SND1: variants seen among roughly 807,000 people sequenced by gnomAD.
The protein encoded by SND1 is staphylococcal nuclease and tudor domain containing 1.
In SND1, 38 loss-of-function variants were observed where a neutral mutation model predicts 121.7. That is an observed-to-expected ratio of 0.31 (90% confidence interval 0.24 to 0.41). SND1 has a LOEUF of 0.41. Among genes scored for constraint, SND1 ranks in the 10% least tolerant of loss-of-function variants. The probability of loss-of-function intolerance (pLI) is 1.00; values close to 1 mark genes in which losing one functional copy is unlikely to be tolerated. For missense variants in SND1, 868 were observed against 1,184.6 expected, an observed-to-expected ratio of 0.73 and a Z score of 3.92; for synonymous variants, 401 against 447.4, an observed-to-expected ratio of 0.90 and a Z score of 1.31.
At chr7:127,711,503 T>C (rs1458767488) in intron 9 of SND1, among the ~76,000 whole-genome samples, 1 of 152,146 alleles carries the variant, frequency 6.6e-6, no homozygotes, top group Non-Finnish European at 1.5e-5. Context: ...CTTATCCTTA[T>C]ATATTTTTTT....
chr7:127,685,509 A>T lies in SND1; in HGVS notation c.79-1104A>T, dbSNP rs540646558. 7.2e-5 allele frequency among the ~76,000 whole-genome samples: 11 copies of T among 152,344 alleles called. No individual in the cohort carries two copies. In the East Asian group the frequency reaches 2.1e-3, roughly 29 times the overall value. On this transcript the variant is annotated intron_variant, in intron 1 of 23. Transcript: ENST00000354725. ...TGTTGTATTGTGAGTCTCTTCGCAAAGACAATTTGAATAGCTTGGGTCGTT... is the reference window on the plus strand; with the variant it reads ...TGTTGTATTGTGAGTCTCTTCGCAATGACAATTTGAATAGCTTGGGTCGTT...
intron 15 of SND1, among the ~76,000 whole-genome samples, chr7:127,953,040 T>C (rs1429618513): frequency 1.3e-5 from 2 of 152,082 alleles, no homozygotes; most frequent in African/African-American, 2.4e-5. Context: ...GGTGTGCACC[T>C]GTAGTACCAG....
chr7:128,055,878 A>C (rs2117027409), intron 16 of SND1, among the ~76,000 whole-genome samples: 1 of 152,108 alleles, frequency 6.6e-6, no homozygotes, highest in South Asian at 2.1e-4. Flanking sequence ...AAAAACTTAG[A>C]CATCTGGGAG....
chr7:127,941,635 A>G (rs995519260), intron 15 of SND1, among the ~76,000 whole-genome samples: 1 of 152,110 alleles, frequency 6.6e-6, no homozygotes, highest in African/African-American at 2.4e-5. Context: ...TGTGTTTTGG[A>G]TGCAGCCCCT....
At chr7:128,058,422 C>T (rs1031007290) in intron 16 of SND1, among the ~76,000 whole-genome samples, 3 of 152,220 alleles carry the variant, frequency 2.0e-5, no homozygotes, top group Admixed American at 1.3e-4. Context: ...ATAACTCCCT[C>T]CAGGTCCCTG....
At chr7:127,925,468 A>G (rs1459309191) in intron 14 of SND1, among the ~76,000 whole-genome samples, 2 of 152,210 alleles carry the variant, frequency 1.3e-5, no homozygotes, top group African/African-American at 4.8e-5. Context: ...TGAGAGTGAA[A>G]GCCTTAGCAT....
intron 11 of SND1, among the ~76,000 whole-genome samples, chr7:127,813,374 G>T (rs1411428546): frequency 6.6e-6 from 1 of 152,122 alleles, no homozygotes; most frequent in Non-Finnish European, 1.5e-5. Flanking sequence ...GTTTCTGGAA[G>T]CTCAGCAAGG....
Position 127,746,134 on chromosome 7 carries a change from A to T in SND1, c.1152+24734A>T, listed in dbSNP as rs984150057. The stretch of plus-strand genomic sequence containing the variant: ...GTGTCAGTGTTGTGTGTTGCCTATA[A>T]GCACCTGTAGGGAAACGGTAGGGAG... On this transcript the variant is annotated intron_variant, in intron 10 of 23. Transcript: ENST00000354725. 4.4e-4 allele frequency among the ~76,000 whole-genome samples: 67 copies of T among 152,240 alleles called. 2 individuals carry two copies. The highest frequency in any genetic ancestry group is 1.2e-4 in the Non-Finnish European group (8 of 68,044).
intron 12 of SND1, among the ~76,000 whole-genome samples, chr7:127,882,704 G>A (rs1265861607): frequency 6.6e-6 from 1 of 152,128 alleles, no homozygotes; most frequent in Non-Finnish European, 1.5e-5. Context: ...GCTAATGAAA[G>A]GTCAGGAAAT....
chr7:127,854,253 C>G (rs1401165050), intron 12 of SND1, among the ~76,000 whole-genome samples: 1 of 152,110 alleles, frequency 6.6e-6, no homozygotes. Flanking sequence ...TTCAGCCTCC[C>G]AAGTAGCTGG....
intron 16 of SND1, among the ~76,000 whole-genome samples, chr7:128,039,056 C>T (rs1233609380): frequency 1.3e-5 from 2 of 152,156 alleles, no homozygotes; most frequent in African/African-American, 4.8e-5. Context: ...CGTCTTCCTC[C>T]TCATTCCCTG....
At chr7:127,931,172 T>C (rs929631088) in intron 15 of SND1, among the ~76,000 whole-genome samples, 1 of 152,186 alleles carries the variant, frequency 6.6e-6, no homozygotes, top group Non-Finnish European at 1.5e-5. Flanking sequence ...TCCCAGCTAC[T>C]CAGCAGGCTG....
intron 17 of SND1, 105 bp from the exon 18 acceptor site, chr7:128,081,255 C>A (rs892612719): frequency 2.2e-5 from 32 of 1,447,936 alleles, no homozygotes; most frequent in Non-Finnish European, 2.8e-5. Context: ...CTCGGCCTCC[C>A]AAAGTGCTGG....
At chr7:127,908,558 T>A (rs1265986469) in intron 14 of SND1, among the ~76,000 whole-genome samples, 1 of 152,158 alleles carries the variant, frequency 6.6e-6, no homozygotes, top group Non-Finnish European at 1.5e-5. Flanking sequence ...TAGTCTAGTT[T>A]CCTTTCAAGC....
chr7:127,913,743 G>C (rs1273510312), intron 14 of SND1, among the ~76,000 whole-genome samples: 1 of 152,120 alleles, frequency 6.6e-6, no homozygotes, highest in East Asian at 1.9e-4. Flanking sequence ...GATAAAATTT[G>C]AAATATTTCT....
intron 1 of SND1, among the ~76,000 whole-genome samples, chr7:127,666,811 G>A (rs977167982): frequency 1.3e-5 from 2 of 152,090 alleles, no homozygotes; most frequent in African/African-American, 4.8e-5. Flanking sequence ...CAGAGGGCGG[G>A]AAGGGCCTGG....
intron 12 of SND1, among the ~76,000 whole-genome samples, chr7:127,844,709 G>A (rs1160385792): frequency 1.3e-5 from 2 of 152,176 alleles, no homozygotes; most frequent in Non-Finnish European, 2.9e-5. Flanking sequence ...CATTTATTGA[G>A]TATCAAGCAG....
intron 19 of SND1, 30 bp downstream of exon 19, chr7:128,084,877 C>T: frequency 6.3e-7 from 1 of 1,576,940 alleles, no homozygotes; most frequent in Non-Finnish European, 8.7e-7. Context: ...AAGGCAGAGT[C>T]TTGAGCAGGA....
chr7:127,675,923 T>C (rs1043172287), intron 1 of SND1, among the ~76,000 whole-genome samples: 4 of 152,178 alleles, frequency 2.6e-5, no homozygotes, highest in African/African-American at 9.7e-5. Flanking sequence ...GAGCTCAGCG[T>C]GAGGTAGTGA....
Sources: gnomAD v4.1 joint callset for allele counts (sites outside exome capture counted in the v4.1 genomes callset) on GRCh38, gnomAD v4.1.1 for gene constraint, MANE v1.5 for transcripts, NCBI Gene and HGNC (gene_info 2026-07-23, HGNC 2026-07-21) for gene names.